The following GCLM variants were observed in gnomAD, a reference collection of about 807,000 sequenced individuals.
GCLM encodes the protein glutamate-cysteine ligase modifier subunit.
GCLM carries 15 observed loss-of-function variants against 36.0 expected under a neutral mutation model. The ratio of observed to expected loss-of-function variants is 0.42; its 90% CI spans 0.28 to 0.64. The LOEUF is 0.64. Ranked by LOEUF, GCLM falls within the 30% of genes least tolerant of loss-of-function variation. The pLI is 0.25. For synonymous variants in GCLM, 129 were observed against 122.8 expected (o/e 1.05, Z -0.34); for missense variants, 242 against 325.5 (o/e 0.74, Z 1.97).
At chr1:93,904,463 T>C in intron 2 of GCLM, 60 bp downstream of exon 2, 1 of 1,059,658 alleles carries the variant, frequency 9.4e-7, no homozygotes, top group Non-Finnish European at 1.5e-6. Context: ...AGAAATTAAC[T>C]TCCTGTTTAC....
chr1:93,902,075 A>G (rs1442591629), intron 2 of GCLM, among the ~76,000 whole-genome samples: 1 of 152,186 alleles, frequency 6.6e-6, no homozygotes, highest in East Asian at 1.9e-4. Context: ...TTCTACATTA[A>G]TTACAAGCAT....
rs1485726896 is a variant in GCLM, at chr1:93,896,155, GT to G, written c.540+462del. 2.0e-5 allele frequency among the ~76,000 whole-genome samples: 3 copies of G among 151,608 alleles called. No homozygotes were observed. In the East Asian group the frequency reaches 5.8e-4, roughly 29 times the overall value. The stretch of plus-strand genomic sequence containing the variant: ...TTTTTTTATTTTTAGTAGAGACAGG[GT>G]TTCACCATGTTGGTCAGGCTGGTCT... On this transcript the variant is annotated intron_variant, in intron 5 of 6. Transcript: ENST00000370238.
intron 6 of GCLM, among the ~76,000 whole-genome samples, chr1:93,889,937 C>T (rs1656471706): frequency 6.7e-6 from 1 of 149,954 alleles, no homozygotes; most frequent in South Asian, 2.1e-4. Context: ...TTTGAGATGG[C>T]ATCTCACTCT....
At position 93,887,095 on chromosome 1, in the gene GCLM, A is replaced by C. The variant is rs1468908051; in HGVS notation, c.*1895T>G. 1 of 150,170 alleles carries C rather than the reference A, an allele frequency of 6.7e-6. No individual in the cohort carries two copies. The highest frequency in any genetic ancestry group is 1.5e-5 in the Non-Finnish European group (1 of 67,898). 9.3% of individuals were successfully genotyped at this position (150,170 alleles called of 1,614,324 possible). A position where few individuals can be genotyped will look rare whatever the true frequency, so the allele number is the denominator to read the frequency against. ...ACTGCAAACTCCGCCTCCCAGGTTC[A>C]AGCGATTCTCGTGCCTCGCCTCCAA... On this transcript the variant is annotated 3_prime_UTR_variant, in exon 7 of 7. Transcript: ENST00000370238.
At chr1:93,894,787 G>A (rs1211714408) in intron 5 of GCLM, 59 bp from the exon 6 acceptor site, 2 of 798,144 alleles carry the variant, frequency 2.5e-6, no homozygotes, top group African/African-American at 1.7e-5. Flanking sequence ...ACCAAAAGTA[G>A]AAAGCAATAA....
chr1:93,889,495 C>G (rs1434876054), intron 6 of GCLM, among the ~76,000 whole-genome samples: 3 of 151,922 alleles, frequency 2.0e-5, no homozygotes, highest in Non-Finnish European at 4.4e-5. Context: ...AAAAAAGTAA[C>G]TGATAATCCT....
chr1:93,895,963 CTTT>C (rs577913729), intron 5 of GCLM, among the ~76,000 whole-genome samples: 20 of 133,494 alleles, frequency 1.5e-4, no homozygotes, highest in African/African-American at 1.7e-4. Flanking sequence ...GTTTTTCTTT[CTTT>C]TTTTTTTTTT....
At chr1:93,897,343 A>C (rs11165032) in intron 4 of GCLM, among the ~76,000 whole-genome samples, 12,206 of 152,210 alleles carry the variant, frequency 0.08, 1,243 homozygotes, top group African/African-American at 0.24. Context: ...TTCTATAAAA[A>C]TAATTTAAGA....
chr1:93,896,875 T>C (rs1259996994), intron 4 of GCLM, 55 bp from the exon 5 acceptor site: 12 of 961,410 alleles, frequency 1.2e-5, no homozygotes, highest in Non-Finnish European at 2.0e-5. Flanking sequence ...AAAACAAATA[T>C]TTCTAATGTT....
At chr1:93,899,430 T>C (rs762213442) in intron 3 of GCLM, among the ~76,000 whole-genome samples, 7 of 152,184 alleles carry the variant, frequency 4.6e-5, no homozygotes, top group Non-Finnish European at 8.8e-5. Context: ...TTGAAGAGTG[T>C]CATTTATTAA....
intron 6 of GCLM, among the ~76,000 whole-genome samples, chr1:93,891,479 A>C (rs17878450): frequency 1.5e-3 from 232 of 152,232 alleles, no homozygotes; most frequent in African/African-American, 5.2e-3. Flanking sequence ...TAACTTGGAT[A>C]CTCTTTCTCC....
chr1:93,908,830 A>C, intron 1 of GCLM: 1 of 370,206 alleles, frequency 2.7e-6, no homozygotes, highest in Non-Finnish European at 4.9e-6. Context: ...TGCACCGGCT[A>C]AGTTTTTTAG....
chr1:93,895,340 C>G (rs1257754686), intron 5 of GCLM, among the ~76,000 whole-genome samples: 2 of 152,092 alleles, frequency 1.3e-5, no homozygotes, highest in African/African-American at 4.8e-5. Flanking sequence ...TAAAAAGTCT[C>G]CTGCTAGAAC....
chr1:93,904,603 C>A lies in GCLM; in HGVS notation c.127-15G>T, dbSNP rs1657076852. On this transcript the variant is annotated splice_polypyrimidine_tract_variant and intron_variant, in intron 1 of 6. Transcript: ENST00000370238. ...CAATCATGAAGCTGCAAAAGGAATG[C>A]ATTTTGAAACTGTTAATCAAAGTCT... 2 of 1,536,276 alleles carry A rather than the reference C, an allele frequency of 1.3e-6. No individual in the cohort carries two copies. The highest frequency in any genetic ancestry group is 2.2e-5 in the South Asian group (2 of 89,490).
At position 93,886,922 on chromosome 1, in the gene GCLM, A is replaced by G. The variant is rs1202483805; in HGVS notation, c.*2068T>C. 6.6e-6 allele frequency: 1 copy of G among 152,118 alleles called. No individual in the cohort carries two copies. Among genetic ancestry groups the G allele is most frequent in the Non-Finnish European group, 1.5e-5 (1 of 68,026 alleles). The allele number at this position is 152,118 out of a possible 1,614,324, so 9.4% of individuals were successfully genotyped here. A position where few individuals can be genotyped will look rare whatever the true frequency, so the allele number is the denominator to read the frequency against. ...AATAACATTACATACAATTAATATAAAGGCTAGAAGGCATAAGTAGCTCAA... is the reference window on the plus strand; with the variant it reads ...AATAACATTACATACAATTAATATAGAGGCTAGAAGGCATAAGTAGCTCAA... On this transcript the variant is annotated 3_prime_UTR_variant, in exon 7 of 7. Transcript: ENST00000370238.
intron 2 of GCLM, 52 bp downstream of exon 2, chr1:93,904,471 T>A (rs1488758336): frequency 1.8e-6 from 2 of 1,120,608 alleles, no homozygotes; most frequent in Admixed American, 1.7e-5. Flanking sequence ...ACTTCCTGTT[T>A]ACTTTACTTC....
chr1:93,902,597 C>G (rs1277872025), intron 2 of GCLM, among the ~76,000 whole-genome samples: 1 of 152,012 alleles, frequency 6.6e-6, no homozygotes, highest in East Asian at 1.9e-4. Context: ...TCCACACAGC[C>G]TCCCCCATTA....
rs1339099472 is a variant in GCLM, at chr1:93,903,171, T to C, written c.192+1352A>G. Reference sequence around the variant, plus strand: ...TGAATGGAGCTGCTATAAATATCCATGCATAGGTCTGTGTGTGGAAATAAG... The same window carrying C: ...TGAATGGAGCTGCTATAAATATCCACGCATAGGTCTGTGTGTGGAAATAAG... On this transcript the variant is annotated intron_variant, in intron 2 of 6. Transcript: ENST00000370238. Among the ~76,000 whole-genome samples, 3 of 152,170 alleles carry C rather than the reference T, an allele frequency of 2.0e-5. No homozygotes were observed. The East Asian group carries it at 5.8e-4, about 29-fold the overall frequency.
chr1:93,907,271 G>A (rs1657178890), intron 1 of GCLM, among the ~76,000 whole-genome samples: 1 of 151,988 alleles, frequency 6.6e-6, no homozygotes, highest in Non-Finnish European at 1.5e-5. Flanking sequence ...AGTTTCTTTA[G>A]TTTTATCCTA....
Sources: gnomAD v4.1 joint callset for allele counts (sites outside exome capture counted in the v4.1 genomes callset) on GRCh38, gnomAD v4.1.1 for gene constraint, MANE v1.5 for transcripts, NCBI Gene and HGNC (gene_info 2026-07-23, HGNC 2026-07-21) for gene names.